GALNT18: variants seen among roughly 807,000 people sequenced by gnomAD.
GALNT18 encodes GalNAc-transferase 18.
In GALNT18, 44 loss-of-function variants were observed where a neutral mutation model predicts 69.5. The ratio of observed to expected loss-of-function variants is 0.63; its 90% confidence interval spans 0.50 to 0.81. GALNT18 has a LOEUF of 0.81. GALNT18 is among the 40% of genes least tolerant of loss of function. The pLI is 0.00. For synonymous variants in GALNT18, 364 were observed against 318.2 expected, an observed-to-expected ratio of 1.14 and a Z score of -1.53; for missense variants, 715 against 810.0, an observed-to-expected ratio of 0.88 and a Z score of 1.42.
chr11:11,273,878 T>C (rs1848879171), intron 10 of GALNT18, among the ~76,000 whole-genome samples: 1 of 148,558 alleles, frequency 6.7e-6, no homozygotes, highest in South Asian at 2.1e-4. Context: ...ATAATGAGAC[T>C]CTGGTTTCAC....
intron 6 of GALNT18, among the ~76,000 whole-genome samples, chr11:11,364,202 G>A (rs1476634005): frequency 6.6e-6 from 1 of 152,152 alleles, no homozygotes; most frequent in African/African-American, 2.4e-5. Context: ...TCTACAAGAA[G>A]TATTTCAGTT....
intron 1 of GALNT18, among the ~76,000 whole-genome samples, chr11:11,512,795 C>T (rs917011546): frequency 1.3e-5 from 2 of 152,174 alleles, no homozygotes; most frequent in African/African-American, 2.4e-5. Context: ...TCTCCTAACC[C>T]ATCTATCACA....
intron 10 of GALNT18, among the ~76,000 whole-genome samples, chr11:11,274,998 C>G (rs1052721110): frequency 2.0e-5 from 3 of 152,204 alleles, no homozygotes; most frequent in African/African-American, 7.2e-5. Context: ...AATACTGCCA[C>G]AATAAACATA....
intron 1 of GALNT18, among the ~76,000 whole-genome samples, chr11:11,490,086 G>A (rs1856729831): frequency 6.6e-6 from 1 of 152,188 alleles, no homozygotes; most frequent in Non-Finnish European, 1.5e-5. Context: ...TTCACTTCAT[G>A]AATGCATTAA....
chr11:11,419,921 C>A (rs1328378966), intron 3 of GALNT18, among the ~76,000 whole-genome samples: 2 of 152,230 alleles, frequency 1.3e-5, no homozygotes, highest in Middle Eastern at 3.4e-3. Flanking sequence ...ACGGCAGGAA[C>A]AACATCTGGT....
intron 2 of GALNT18, among the ~76,000 whole-genome samples, chr11:11,438,745 C>A (rs991038008): frequency 1.3e-5 from 2 of 152,072 alleles, no homozygotes; most frequent in Non-Finnish European, 2.9e-5. Flanking sequence ...GAGCGAGGGG[C>A]GAAATGAAGG....
At chr11:11,484,828 G>T (rs1337389451) in intron 1 of GALNT18, among the ~76,000 whole-genome samples, 1 of 152,140 alleles carries the variant, frequency 6.6e-6, no homozygotes, top group African/African-American at 2.4e-5. Context: ...GCTCTTCCAG[G>T]TCCCCAAGGA....
intron 10 of GALNT18, among the ~76,000 whole-genome samples, 173 bp from the exon 11 acceptor site, chr11:11,271,463 T>A (rs1357266251): frequency 6.6e-6 from 1 of 152,120 alleles, no homozygotes; most frequent in Non-Finnish European, 1.5e-5. Context: ...ATTAGTCTCC[T>A]CTGGAAGACT....
intron 3 of GALNT18, among the ~76,000 whole-genome samples, chr11:11,412,599 A>G (rs931301044): frequency 3.3e-5 from 5 of 152,252 alleles, no homozygotes; most frequent in African/African-American, 1.2e-4. Context: ...TGACCTGCAG[A>G]GGTTCCAGCA....
chr11:11,508,597 G>A (rs1459763377), intron 1 of GALNT18, among the ~76,000 whole-genome samples: 4 of 152,114 alleles, frequency 2.6e-5, no homozygotes, highest in African/African-American at 4.8e-5. Context: ...TTTTTTAGTC[G>A]CTGCAATTAT....
At chr11:11,462,217 G>A (rs1856057817) in intron 1 of GALNT18, among the ~76,000 whole-genome samples, 1 of 152,076 alleles carries the variant, frequency 6.6e-6, no homozygotes, top group African/African-American at 2.4e-5. Context: ...TGTAGAGGAG[G>A]AACTTCCTAG....
intron 1 of GALNT18, among the ~76,000 whole-genome samples, chr11:11,594,264 G>A (rs1859433125): frequency 6.6e-6 from 1 of 152,230 alleles, no homozygotes; most frequent in Non-Finnish European, 1.5e-5. Flanking sequence ...TCTAGCCTGA[G>A]TCAGTTCTTC....
At chr11:11,489,755 G>A (rs987487535) in intron 1 of GALNT18, among the ~76,000 whole-genome samples, 11 of 152,212 alleles carry the variant, frequency 7.2e-5, no homozygotes, top group Non-Finnish European at 1.6e-4. Flanking sequence ...ACGAGCATAT[G>A]TGTTAACTCT....
At chr11:11,570,384 G>A (rs1407585885) in intron 1 of GALNT18, among the ~76,000 whole-genome samples, 1 of 152,308 alleles carries the variant, frequency 6.6e-6, no homozygotes, top group Admixed American at 6.5e-5. Flanking sequence ...TCTCCTTACA[G>A]CTAGCCCACC....
rs75378987 is a variant in GALNT18, at chr11:11,528,086, C to T, written c.236-79150G>A. ...GGAAACTGAGTCCTAGAGAATGTTA[C>T]GGAAAGACAGCAGAGAGTAGGTGAC... On this transcript the variant is annotated intron_variant, in intron 1 of 10. Coordinates refer to ENST00000227756, the MANE Select transcript of GALNT18 (RefSeq NM_198516.3). Among the ~76,000 whole-genome samples, 139 of 152,188 alleles carry T rather than the reference C, an allele frequency of 9.1e-4. 1 individual carries two copies. The East Asian group carries it at 0.016, about 17-fold the overall frequency.
chr11:11,424,127 A>T (rs948832794), intron 3 of GALNT18, among the ~76,000 whole-genome samples: 1 of 152,200 alleles, frequency 6.6e-6, no homozygotes, highest in African/African-American at 2.4e-5. Context: ...TGCTGCCCCC[A>T]ACAAAGTAGA....
At chr11:11,290,382 G>A (rs1367342012) in intron 10 of GALNT18, among the ~76,000 whole-genome samples, 1 of 152,146 alleles carries the variant, frequency 6.6e-6, no homozygotes, top group East Asian at 1.9e-4. Flanking sequence ...CCAGAGGGGG[G>A]CTTTCAAAAT....
chr11:11,577,479 A>C (rs1858954546), intron 1 of GALNT18, among the ~76,000 whole-genome samples: 1 of 152,218 alleles, frequency 6.6e-6, no homozygotes, highest in African/African-American at 2.4e-5. Flanking sequence ...GAAGCCACTC[A>C]CACACTGCAT....
intron 9 of GALNT18, among the ~76,000 whole-genome samples, chr11:11,303,330 C>T (rs925507701): frequency 6.6e-6 from 1 of 152,174 alleles, no homozygotes; most frequent in Non-Finnish European, 1.5e-5. Context: ...AGCAGCCCCC[C>T]ACTGCTAACC....
Sources: allele counts gnomAD v4.1 joint callset (sites outside exome capture counted in the v4.1 genomes callset), GRCh38; gene constraint gnomAD v4.1.1; transcripts MANE v1.5; gene names NCBI Gene and HGNC (gene_info 2026-07-23, HGNC 2026-07-21).